The following HHAT variants were observed in gnomAD, a reference collection of about 807,000 sequenced individuals.
HHAT encodes the protein hedgehog acyltransferase.
In HHAT, 47 loss-of-function variants were observed where a neutral mutation model predicts 70.8. The observed-to-expected ratio is 0.66, with a 90% CI of 0.53 to 0.85. The LOEUF (loss-of-function observed/expected upper bound fraction) is 0.85. Ranked by LOEUF, HHAT falls within the 40% of genes least tolerant of loss-of-function variation. The pLI, the probability that HHAT is intolerant of heterozygous loss-of-function variation, is 0.00. For missense variants in HHAT, 609 were observed against 604.8 expected, an observed-to-expected ratio of 1.01 and a Z score of -0.07; for synonymous variants, 228 against 247.6, an observed-to-expected ratio of 0.92 and a Z score of 0.74.
rs193206886 is a variant in HHAT, at chr1:210,449,842, A to G, written c.857-14663A>G. Among the ~76,000 whole-genome samples the G allele has an allele frequency of 1.3e-5, 2 of 152,290 alleles. 1 individual carries two copies. Among genetic ancestry groups the G allele is most frequent in the Admixed American group, 1.3e-4 (2 of 15,292 alleles). On this transcript the variant is annotated intron_variant, in intron 7 of 11. Transcript: ENST00000261458. ...AGTTTCATTAGGTCTCCATAAAGAA[A>G]TTTCTACTCGCTAATTCGCTCTCTA...
intron 7 of HHAT, among the ~76,000 whole-genome samples, chr1:210,459,877 G>C (rs924026604): frequency 5.9e-5 from 9 of 152,248 alleles, no homozygotes; most frequent in Admixed American, 2.6e-4. Context: ...TGGCTGGGTA[G>C]TTCTTGCTTG....
chr1:210,649,578 C>A (rs1211813264), intron 11 of HHAT, among the ~76,000 whole-genome samples: 2 of 152,262 alleles, frequency 1.3e-5, no homozygotes, highest in African/African-American at 4.8e-5. Context: ...TGCGTGCAGC[C>A]ATGACACTGT....
At chr1:210,592,895 T>G (rs1237937970) in intron 10 of HHAT, among the ~76,000 whole-genome samples, 1 of 151,832 alleles carries the variant, frequency 6.6e-6, no homozygotes. Context: ...TTTTTTTTAT[T>G]ATACTTTAAG....
chr1:210,473,032 AG>A (rs936753636), intron 8 of HHAT, among the ~76,000 whole-genome samples: 1 of 152,196 alleles, frequency 6.6e-6, no homozygotes, highest in African/African-American at 2.4e-5. Context: ...GACCTTTAAA[AG>A]GTGCTCAACT....
rs10664778 is a variant in HHAT, at chr1:210,370,610, A to ATTTTTT, written c.159+7707_159+7712dup. On this transcript the variant is annotated intron_variant, in intron 3 of 11. Transcript: ENST00000261458. ...TTTATCCATTCACATTGCAGATGCT[A>ATTTTTT]TTTTTTTTTTTTTTTTTTTTTGGAG... Among the ~76,000 whole-genome samples, 130 of 98,344 alleles carry ATTTTTT rather than the reference A, an allele frequency of 1.3e-3. 2 individuals carry two copies. The highest frequency in any genetic ancestry group is 2.0e-3 in the Non-Finnish European group (103 of 52,386). The allele number at this position is 98,344 out of a possible 152,430, so 64.5% of individuals were successfully genotyped here.
At chr1:210,530,584 G>A (rs140160087) in intron 9 of HHAT, among the ~76,000 whole-genome samples, 296 of 152,226 alleles carry the variant, frequency 1.9e-3, no homozygotes, top group African/African-American at 6.4e-3. Flanking sequence ...AGTTATTAAC[G>A]GAGCAACGTG....
chr1:210,375,226 C>T (rs1199441637), intron 3 of HHAT, among the ~76,000 whole-genome samples: 1 of 152,044 alleles, frequency 6.6e-6, no homozygotes, highest in African/African-American at 2.4e-5. Context: ...CCATACTCAC[C>T]CTCCTCCTCT....
At position 210,362,304 on chromosome 1, in the gene HHAT, G is replaced by A. The variant is rs905581821; in HGVS notation, c.92-548G>A. On this transcript the variant is annotated intron_variant, in intron 2 of 11. Transcript: ENST00000261458. Reference sequence around the variant, plus strand: ...CTTGTTGCCCAAGCTGGAGTGCAATGGCATAATCTTGGCTCAATGCAACCT... The same window carrying A: ...CTTGTTGCCCAAGCTGGAGTGCAATAGCATAATCTTGGCTCAATGCAACCT... Among the ~76,000 whole-genome samples the A allele has an allele frequency of 8.0e-5, 12 of 150,578 alleles. 1 individual carries two copies. Among genetic ancestry groups the A allele is most frequent in the African/African-American group, 2.9e-4 (12 of 40,888 alleles).
intron 1 of HHAT, among the ~76,000 whole-genome samples, chr1:210,346,713 C>T (rs911796580): frequency 6.6e-6 from 1 of 152,196 alleles, no homozygotes; most frequent in African/African-American, 2.4e-5. Context: ...AAGTTTATTT[C>T]CCTTCCTGCT....
At chr1:210,330,779 A>AGG (rs1365923116) in intron 1 of HHAT, among the ~76,000 whole-genome samples, 1 of 152,128 alleles carries the variant, frequency 6.6e-6, no homozygotes, top group Middle Eastern at 3.2e-3. Context: ...GACTGGGGGA[A>AGG]GGGGGATGGT....
rs115206474 is a variant in HHAT, at chr1:210,453,515, G to A, written c.857-10990G>A. Among the ~76,000 whole-genome samples the A allele has an allele frequency of 5.0e-3, 764 of 152,010 alleles. 9 individuals are homozygous for A. The highest frequency in any genetic ancestry group is 0.018 in the African/African-American group (733 of 41,446). ...AGTTATTTAAAATACCCCCTATTCCGTGCCTTCCCTTTCCCCCTTTCTCTC... is the reference window on the plus strand; with the variant it reads ...AGTTATTTAAAATACCCCCTATTCCATGCCTTCCCTTTCCCCCTTTCTCTC... On this transcript the variant is annotated intron_variant, in intron 7 of 11. Coordinates refer to ENST00000261458, the MANE Select transcript of HHAT (RefSeq NM_018194.6).
intron 1 of HHAT, among the ~76,000 whole-genome samples, chr1:210,334,983 C>G (rs2085349440): frequency 6.6e-6 from 1 of 152,098 alleles, no homozygotes. Context: ...GCCCAGATGG[C>G]TTTACTAGTG....
rs147711286 is a variant in HHAT, at chr1:210,518,172, C to T, written c.1043+4984C>T. Among the ~76,000 whole-genome samples the T allele has an allele frequency of 7.5e-4, 114 of 152,264 alleles. 1 individual carries two copies. Among genetic ancestry groups the T allele is most frequent in the African/African-American group, 2.6e-3 (107 of 41,558 alleles). On this transcript the variant is annotated intron_variant, in intron 9 of 11. Transcript: ENST00000261458. ...AACCATTGTCACTCTACTGTGCAAT[C>T]GGACACCAGAACTTACTCTTCCTAT... is the stretch of plus-strand genomic sequence containing the variant.
chr1:210,600,909 T>G (rs527358201), intron 10 of HHAT, among the ~76,000 whole-genome samples: 2 of 152,242 alleles, frequency 1.3e-5, no homozygotes, highest in African/African-American at 4.8e-5. Flanking sequence ...TTGAATAATT[T>G]AAATACGTTC....
At chr1:210,637,773 T>G (rs767748539) in intron 11 of HHAT, among the ~76,000 whole-genome samples, 4 of 150,184 alleles carry the variant, frequency 2.7e-5, no homozygotes, top group African/African-American at 9.8e-5. Context: ...GGCAGGAGAA[T>G]CGCTTGAACC....
chr1:210,394,974 G>T (rs2091698007), intron 4 of HHAT, among the ~76,000 whole-genome samples: 1 of 151,706 alleles, frequency 6.6e-6, no homozygotes, highest in Non-Finnish European at 1.5e-5. Context: ...GTATTTTTCT[G>T]TTTGGGGAGA....
chr1:210,491,267 T>C (rs2094548534), intron 8 of HHAT, among the ~76,000 whole-genome samples: 1 of 152,146 alleles, frequency 6.6e-6, no homozygotes, highest in African/African-American at 2.4e-5. Flanking sequence ...TTGAGCCCTC[T>C]CCCTCTGTGC....
intron 11 of HHAT, among the ~76,000 whole-genome samples, chr1:210,627,972 G>C (rs1293838187): frequency 6.6e-6 from 1 of 152,156 alleles, no homozygotes; most frequent in Non-Finnish European, 1.5e-5. Flanking sequence ...AGAAGCACTT[G>C]TTAATAGAAG....
chr1:210,623,477 A>AT, intron 10 of HHAT, 49 bp from the exon 11 acceptor site: 1 of 1,610,158 alleles, frequency 6.2e-7, no homozygotes, highest in Non-Finnish European at 8.5e-7. Context: ...TCTTAGCCCC[A>AT]TTTTTTCCAC....
Sources: allele counts gnomAD v4.1 joint callset (sites outside exome capture counted in the v4.1 genomes callset), GRCh38; gene constraint gnomAD v4.1.1; transcripts MANE v1.5; gene names NCBI Gene and HGNC (gene_info 2026-07-23, HGNC 2026-07-21).